SCFD2: variants seen among roughly 807,000 people sequenced by gnomAD.
The protein encoded by SCFD2 is sec1 family domain-containing protein 2.
In SCFD2, 54 loss-of-function variants were observed where a neutral mutation model predicts 58.9. The ratio of observed to expected loss-of-function variants is 0.92; its 90% CI spans 0.74 to 1.15. The LOEUF is 1.15. Among genes scored for constraint, SCFD2 ranks in the 50% most tolerant of loss-of-function variants. The probability of loss-of-function intolerance (pLI) is 0.00; values close to 1 mark genes in which losing one functional copy is unlikely to be tolerated. For synonymous variants in SCFD2, 321 were observed against 335.9 expected (o/e 0.96, Z 0.49); for missense variants, 805 against 836.6 (o/e 0.96, Z 0.47).
At chr4:53,286,859 C>A (rs535097944) in intron 3 of SCFD2, among the ~76,000 whole-genome samples, 18 of 152,280 alleles carry the variant, frequency 1.2e-4, no homozygotes, top group African/African-American at 4.3e-4. Flanking sequence ...TGCTACTGCA[C>A]TTGGCCTCAC....
chr4:52,946,409 TATTCTTACTCTAAAAATGTTAGGA>T (rs1720427849), intron 5 of SCFD2, among the ~76,000 whole-genome samples: 1 of 152,084 alleles, frequency 6.6e-6, no homozygotes, highest in Admixed American at 6.5e-5. Context: ...ATTACCAAAG[TATTCTTACTCTAAAAATGTTAGGA>T]ATATTTGCCC....
intron 4 of SCFD2, among the ~76,000 whole-genome samples, chr4:53,227,055 G>C (rs1458334889): frequency 6.6e-6 from 1 of 152,178 alleles, no homozygotes; most frequent in East Asian, 1.9e-4. Flanking sequence ...TCCTGCGAAA[G>C]AAGATGGAGC....
At chr4:53,060,244 C>A (rs1165904968) in intron 5 of SCFD2, among the ~76,000 whole-genome samples, 1 of 152,084 alleles carries the variant, frequency 6.6e-6, no homozygotes, top group African/African-American at 2.4e-5. Flanking sequence ...ATTCTACTTT[C>A]TCTATGAAAA....
At chr4:53,277,776 G>C (rs1026848499) in intron 3 of SCFD2, among the ~76,000 whole-genome samples, 2 of 152,192 alleles carry the variant, frequency 1.3e-5, no homozygotes, top group Non-Finnish European at 2.9e-5. Context: ...GTCCAGGCTC[G>C]GCGCGGTGGC....
intron 2 of SCFD2, among the ~76,000 whole-genome samples, chr4:53,331,030 C>A (rs1389385052): frequency 6.6e-6 from 1 of 151,446 alleles, no homozygotes; most frequent in African/African-American, 2.4e-5. Flanking sequence ...GGGATCAATT[C>A]AACAAGAAGA....
chr4:52,963,641 C>T (rs1377186417), intron 5 of SCFD2, among the ~76,000 whole-genome samples: 2 of 152,190 alleles, frequency 1.3e-5, no homozygotes, highest in African/African-American at 4.8e-5. Context: ...ATCAAATGAA[C>T]TCAAATTCCC....
At chr4:53,171,925 C>T (rs2148937297) in intron 4 of SCFD2, among the ~76,000 whole-genome samples, 1 of 151,024 alleles carries the variant, frequency 6.6e-6, no homozygotes, top group Non-Finnish European at 1.5e-5. Context: ...GCTATCTTTT[C>T]AAAAAATCTG....
intron 4 of SCFD2, among the ~76,000 whole-genome samples, chr4:53,173,636 G>C (rs1727243577): frequency 6.6e-6 from 1 of 152,036 alleles, no homozygotes; most frequent in Admixed American, 6.6e-5. Context: ...TTGTTGTCTG[G>C]TTGTTTTCTA....
At chr4:52,957,486 G>A (rs1025355402) in intron 5 of SCFD2, 1 of 152,216 alleles carries the variant, frequency 6.6e-6, no homozygotes, top group African/African-American at 2.4e-5. Flanking sequence ...TCTTCCTGAC[G>A]TGGCAGTTTA....
intron 5 of SCFD2, among the ~76,000 whole-genome samples, chr4:53,105,589 A>C (rs541441120): frequency 5.1e-4 from 77 of 152,286 alleles, no homozygotes; most frequent in African/African-American, 1.8e-3. Context: ...AACAAGATGG[A>C]GCCCACTGCA....
chr4:52,956,521 T>G (rs929281876), intron 5 of SCFD2: 2 of 288,472 alleles, frequency 6.9e-6, no homozygotes, highest in Non-Finnish European at 1.4e-5. Context: ...TTGTCTCTTC[T>G]CTCTAAGGCT....
intron 7 of SCFD2, among the ~76,000 whole-genome samples, chr4:52,892,707 T>C (rs1468830334): frequency 2.0e-5 from 3 of 152,198 alleles, no homozygotes; most frequent in African/African-American, 4.8e-5. Flanking sequence ...ACACCACTTA[T>C]CTCTCCTCTC....
intron 5 of SCFD2, among the ~76,000 whole-genome samples, chr4:53,036,914 A>G (rs957263813): frequency 6.6e-6 from 1 of 152,166 alleles, no homozygotes; most frequent in Non-Finnish European, 1.5e-5. Context: ...TTATAAGAAA[A>G]GAAAACAGCT....
intron 4 of SCFD2, among the ~76,000 whole-genome samples, chr4:53,240,799 G>A (rs1264410992): frequency 6.6e-6 from 1 of 152,218 alleles, no homozygotes; most frequent in Non-Finnish European, 1.5e-5. Flanking sequence ...AGTGGTCGAT[G>A]GCTTCTGCTA....
At chr4:52,949,262 T>C (rs1407633017) in intron 5 of SCFD2, 1 of 142,278 alleles carries the variant, frequency 7.0e-6, no homozygotes, top group African/African-American at 3.1e-5. Context: ...TTTACATAAA[T>C]ATTTCACAAA....
At chr4:53,053,573 G>A (rs577493342) in intron 5 of SCFD2, among the ~76,000 whole-genome samples, 49 of 152,098 alleles carry the variant, frequency 3.2e-4, no homozygotes, top group African/African-American at 1.2e-3. Flanking sequence ...AACTCCTGAC[G>A]CTCAGCACTT....
chr4:52,988,159 G>A lies in SCFD2; in HGVS notation c.1562-67289C>T, dbSNP rs138612699. Among the ~76,000 whole-genome samples, 648 of 152,248 alleles carry A rather than the reference G, an allele frequency of 4.3e-3. 3 individuals carry two copies. Among genetic ancestry groups the A allele is most frequent in the African/African-American group, 0.015 (621 of 41,546 alleles). Reference sequence around the variant, plus strand: ...AGAGAAGGAGCCAGACACACCTCCCGTCATCAACTGCAGCACACAGAAGCT... The same window carrying A: ...AGAGAAGGAGCCAGACACACCTCCCATCATCAACTGCAGCACACAGAAGCT... On this transcript the variant is annotated intron_variant, in intron 5 of 8. Transcript: ENST00000401642.
At chr4:53,017,678 A>T (rs1370194095) in intron 5 of SCFD2, among the ~76,000 whole-genome samples, 1 of 152,178 alleles carries the variant, frequency 6.6e-6, no homozygotes, top group Non-Finnish European at 1.5e-5. Context: ...GTCTGCCCAA[A>T]ATCCTCTGTG....
In SCFD2 at chr4:52,983,238, A is replaced by G. The variant is rs144771569; in HGVS notation, c.1562-62368T>C. Reference sequence around the variant, plus strand: ...CTGATAAAACCAAATTCAGCGTTCAATGTATATATTTGTCATTTCCAACAC... The same window carrying G: ...CTGATAAAACCAAATTCAGCGTTCAGTGTATATATTTGTCATTTCCAACAC... On this transcript the variant is annotated intron_variant, in intron 5 of 8. Transcript: ENST00000401642. Among the ~76,000 whole-genome samples, 436 of 152,330 alleles carry G rather than the reference A, an allele frequency of 2.9e-3. 2 individuals are homozygous for G. Among genetic ancestry groups the G allele is most frequent in the Non-Finnish European group, 4.5e-3 (309 of 68,032 alleles).
Sources: gnomAD v4.1 joint callset for allele counts (sites outside exome capture counted in the v4.1 genomes callset) on GRCh38, gnomAD v4.1.1 for gene constraint, MANE v1.5 for transcripts, NCBI Gene and HGNC (gene_info 2026-07-23, HGNC 2026-07-21) for gene names.